Variants in IQGAP3 observed in about 807,000 individuals in gnomAD.
IQGAP3 encodes ras GTPase-activating-like protein IQGAP3.
In IQGAP3, 165 loss-of-function variants were observed where a neutral mutation model predicts 208.2. The ratio of observed to expected loss-of-function variants is 0.79; its 90% CI spans 0.70 to 0.90. The LOEUF is 0.90. IQGAP3 is among the 40% of genes least tolerant of loss of function. The probability of loss-of-function intolerance (pLI) is 0.00; values close to 1 mark genes in which losing one functional copy is unlikely to be tolerated. For missense variants in IQGAP3, 1,811 were observed against 2,043.1 expected, an observed-to-expected ratio of 0.89 and a Z score of 2.19; for synonymous variants, 703 against 803.6, an observed-to-expected ratio of 0.87 and a Z score of 2.12.
At position 156,556,687 on chromosome 1, in the gene IQGAP3, T is replaced by C. The variant is rs1675837191; in HGVS notation, c.1136A>G (p.His379Arg). 2.5e-6 allele frequency: 4 copies of C among 1,573,942 alleles called. No individual in the cohort carries two copies. The African/African-American group carries it at 5.4e-5, about 21-fold the overall frequency. The change falls in exon 12 of 38, where the codon CAC becomes CGC. Residue 379 changes from histidine to arginine, a missense_variant. By Grantham distance (29) the His-to-Arg change is conservative. Coordinates refer to ENST00000361170, the MANE Select transcript of IQGAP3 (RefSeq NM_178229.5). ...TKGDQEQAML[H>R]AVQRINKAIR... ...GGCTTTGTTGATCCGCTGCACAGCG[T>C]GGAGCACTGCAAGGCAGGAGAGCAA...
At position 156,526,998 on chromosome 1, in the gene IQGAP3, A is replaced by C. The variant is rs41267371; in HGVS notation, c.4783-399T>G. Among the ~76,000 whole-genome samples, 476 of 151,570 alleles carry C rather than the reference A, an allele frequency of 3.1e-3. 2 individuals are homozygous for C. The highest frequency in any genetic ancestry group is 0.01 in the Middle Eastern group (3 of 294). ...CAGGCAGGTGCCACCACGCCAGGCT[A>C]ATTTTTGTATTTTTAGTAGAGACAG... On this transcript the variant is annotated intron_variant, in intron 37 of 37. Coordinates refer to ENST00000361170, the MANE Select transcript of IQGAP3 (RefSeq NM_178229.5).
rs370129300 is a variant in IQGAP3 at position 156,561,909 on chromosome 1, G to A, written c.970C>T (p.Arg324Ter). The A allele has an allele frequency of 1.7e-5, 28 of 1,613,946 alleles. No individual in the cohort carries two copies. The highest frequency in any genetic ancestry group is 1.3e-4 in the African/African-American group (10 of 74,954). Residue 324 changes from arginine (R) to a stop codon, truncating the protein, a stop_gained, in exon 10 of 38, where the codon CGA becomes TGA. Coordinates refer to ENST00000361170, the MANE Select transcript of IQGAP3 (RefSeq NM_178229.5). LOFTEE classifies it high-confidence loss of function. The stretch of plus-strand genomic sequence containing the variant: ...TCAGCAAAGTCTCTCCTCACCCCTC[G>A]CAGGGCCAGGGCAGGGTCTTGAAGG... ...KALQDPALALRGVRRDFADWY... is the reference protein window; with the variant it reads ...KALQDPALAL
At chr1:156,543,011 G>C (rs939681061) in intron 22 of IQGAP3, among the ~76,000 whole-genome samples, 2 of 151,716 alleles carry the variant, frequency 1.3e-5, no homozygotes, top group East Asian at 1.9e-4. Context: ...GGGCCACACA[G>C]CTAGTAAATG....
At chr1:156,532,386 C>CAAA (rs11302550) in intron 32 of IQGAP3, among the ~76,000 whole-genome samples, 18 of 81,556 alleles carry the variant, frequency 2.2e-4, no homozygotes, top group African/African-American at 6.9e-4. Context: ...GACTCCATCT[C>CAAA]AAAAAAAAAA....
chr1:156,528,122 C>A, intron 36 of IQGAP3, 62 bp from the exon 37 acceptor site: 1 of 1,216,210 alleles, frequency 8.2e-7, no homozygotes, highest in Non-Finnish European at 1.2e-6. Flanking sequence ...CAGCCACATT[C>A]TTGCACCCAC....
At chr1:156,530,526 A>G (rs1674341359) in intron 33 of IQGAP3, among the ~76,000 whole-genome samples, 1 of 152,194 alleles carries the variant, frequency 6.6e-6, no homozygotes, top group African/African-American at 2.4e-5. Context: ...ACCATAATGC[A>G]TGGTGTCACA....
rs767537225 is a variant in IQGAP3, at chr1:156,563,565, C to T, written c.607G>A (p.Asp203Asn). The T allele has an allele frequency of 6.2e-7, 1 of 1,613,472 alleles. No individual in the cohort carries two copies. Among genetic ancestry groups the T allele is most frequent in the South Asian group, 1.1e-5 (1 of 90,930 alleles). ...GCCTAGTCCTTACCTGCAGCCTCAT[C>T]CACCGAGAGCTCATTGGCCAAGATG... The part of the protein sequence containing the change: ...GGILANELSV[D>N]EAAVHAAVLA... Residue 203 changes from aspartate (D) to asparagine (N), a missense_variant, in exon 7 of 38, where the codon GAT becomes AAT. Coordinates refer to ENST00000361170, the MANE Select transcript of IQGAP3 (RefSeq NM_178229.5).
Position 156,533,823 on chromosome 1 carries a change from T to C in IQGAP3, c.3926A>G (p.His1309Arg), listed in dbSNP as rs148123915. Residue 1309 changes from histidine (H) to arginine (R), a missense_variant, in exon 31 of 38, where the codon CAT becomes CGT. Transcript: ENST00000361170. ...CIAPDHQDPL[H>R]ELLEDLGELP... ...CTCCCCAAGATCCTCCAGGAGCTCA[T>C]GCAGGGGGTCTTGGTGATCAGGGGC... 10 of 1,613,412 alleles carry C rather than the reference T, an allele frequency of 6.2e-6. No homozygotes were observed. The African/African-American group carries it at 1.2e-4, about 19-fold the overall frequency.
chr1:156,564,410 C>A (rs1676306492), intron 5 of IQGAP3, among the ~76,000 whole-genome samples: 2 of 152,212 alleles, frequency 1.3e-5, no homozygotes, highest in African/African-American at 4.8e-5. Flanking sequence ...TGCCCTTCCC[C>A]TTCACCCACA....
rs775613036 is a variant in IQGAP3 at position 156,530,227 on chromosome 1, G to C, written c.4282C>G (p.His1428Asp). The C allele has an allele frequency of 1.9e-6, 3 of 1,612,978 alleles. No homozygotes were observed. Among genetic ancestry groups the C allele is most frequent in the African/African-American group, 2.7e-5 (2 of 74,930 alleles). ...PLRRHRSLTAHSLLPLAEKQR... is the reference protein window; with the variant it reads ...PLRRHRSLTADSLLPLAEKQR... ...TTCTCTGCCAGTGGCAGGAGGGAGTGAGCTGTCAGTGAGCGGTGTCGTCGC... is the reference window on the plus strand; with the variant it reads ...TTCTCTGCCAGTGGCAGGAGGGAGTCAGCTGTCAGTGAGCGGTGTCGTCGC... Residue 1428 changes from histidine to aspartate, a missense_variant, in exon 34 of 38, where the codon CAC (histidine) becomes GAC (aspartate). By Grantham distance (81) the His-to-Asp change is moderately conservative (BLOSUM62 -1). Coordinates refer to ENST00000361170, the MANE Select transcript of IQGAP3 (RefSeq NM_178229.5).
At chr1:156,540,685 G>T in intron 23 of IQGAP3, 23 bp downstream of exon 23, 1 of 1,593,462 alleles carries the variant, frequency 6.3e-7, no homozygotes, top group Non-Finnish European at 8.6e-7. Context: ...TCTCGGGGAG[G>T]GGAGGACTGG....
In IQGAP3 at chr1:156,563,506, C is replaced by G. The variant is rs1335050555; in HGVS notation, c.619+47G>C. ...AATGGCTGTGAGGCTTGGAGCCCTCCCATACGCATTGAGCCTACTCCTGGC... is the reference window on the plus strand; with the variant it reads ...AATGGCTGTGAGGCTTGGAGCCCTCGCATACGCATTGAGCCTACTCCTGGC... On this transcript the variant is annotated intron_variant, in intron 7 of 37. Transcript: ENST00000361170. 4.0e-6 allele frequency: 6 copies of G among 1,509,092 alleles called. No individual in the cohort carries two copies. In the Admixed American group the frequency reaches 1.1e-4, roughly 27 times the overall value. The allele number at this position is 1,509,092 out of a possible 1,614,324, so 93.5% of individuals were successfully genotyped here.
rs1484621722 is a variant in IQGAP3, at chr1:156,548,663, C to T, written c.1911G>A (p.Val637=). The T allele has an allele frequency of 6.2e-7, 1 of 1,612,420 alleles. No homozygotes were observed. Among genetic ancestry groups the T allele is most frequent in the Admixed American group, 1.7e-5 (1 of 59,896 alleles). Residue 637 remains valine, a synonymous_variant, in exon 17 of 38, where the codon GTG becomes GTA. Transcript: ENST00000361170. Reference sequence around the variant, plus strand: ...AGTCGGGAACTACCCCTCGAAGGGCCACTGCGGGGTTCCTCAACACCCGCT... The same window carrying T: ...AGTCGGGAACTACCCCTCGAAGGGCTACTGCGGGGTTCCTCAACACCCGCT... ...QTERVLRNPA[V]ALRGVVPDCA... is the part of the protein sequence containing the mutation.
At chr1:156,526,742 C>T in intron 37 of IQGAP3, 143 bp from the exon 38 acceptor site, 4 of 618,736 alleles carry the variant, frequency 6.5e-6, no homozygotes, top group Non-Finnish European at 8.7e-6. Context: ...AATCCCACTT[C>T]ACAAATGAGG....
At chr1:156,536,206 T>A (rs755071882) in intron 27 of IQGAP3, among the ~76,000 whole-genome samples, 2 of 152,114 alleles carry the variant, frequency 1.3e-5, no homozygotes, top group African/African-American at 2.4e-5. Context: ...AACATCCTCA[T>A]CTTGCCCTGG....
chr1:156,540,541 C>A (rs2102382647), intron 23 of IQGAP3, among the ~76,000 whole-genome samples, 167 bp downstream of exon 23: 1 of 152,140 alleles, frequency 6.6e-6, no homozygotes, highest in East Asian at 1.9e-4. Flanking sequence ...ATGGGTCCCC[C>A]AAAATGATTT....
chr1:156,559,816 C>T (rs1676063467), intron 11 of IQGAP3, among the ~76,000 whole-genome samples: 1 of 152,104 alleles, frequency 6.6e-6, no homozygotes, highest in Non-Finnish European at 1.5e-5. Flanking sequence ...TCTTATCTGC[C>T]AGGACAAGGA....
At chr1:156,551,001 G>C (rs988859626) in intron 15 of IQGAP3, among the ~76,000 whole-genome samples, 2 of 152,250 alleles carry the variant, frequency 1.3e-5, no homozygotes, top group South Asian at 2.1e-4. Flanking sequence ...ACATTTTATT[G>C]AGTACTGACT....
In IQGAP3 at chr1:156,534,041, T is replaced by G. The variant is rs766472609; in HGVS notation, c.3841A>C (p.Ile1281Leu). 13 of 1,613,992 alleles carry G rather than the reference T, an allele frequency of 8.1e-6. No individual in the cohort carries two copies. The South Asian group carries it at 1.2e-4, about 15-fold the overall frequency. The change falls in exon 30 of 38, where the codon ATC (isoleucine) becomes CTC (leucine). Residue 1281 changes from isoleucine (I) to leucine (L), a missense_variant. Coordinates refer to ENST00000361170, the MANE Select transcript of IQGAP3 (RefSeq NM_178229.5). ...GTGTTGACCAGCTCCCCCACGGTGA[T>G]GTACACCATGGGTTTGGCCACAGCC... is the stretch of plus-strand genomic sequence containing the variant. ...MVAVAKPMVY[I>L]TVGELVNTHR... is the part of the protein sequence containing the mutation.
Sources: allele counts gnomAD v4.1 joint callset (sites outside exome capture counted in the v4.1 genomes callset), GRCh38; gene constraint gnomAD v4.1.1; transcripts MANE v1.5; gene names NCBI Gene and HGNC (gene_info 2026-07-23, HGNC 2026-07-21).